ZCCHC24: variants seen among roughly 807,000 people sequenced by gnomAD.
ZCCHC24 encodes the protein zinc finger CCHC domain-containing protein 24.
Under a neutral mutation model 26.2 loss-of-function variants are expected in ZCCHC24, and 10 were observed. That is an observed-to-expected ratio of 0.38 (90% CI 0.24 to 0.65). ZCCHC24 has a LOEUF of 0.65. ZCCHC24 is among the 30% of genes least tolerant of loss of function. The probability of loss-of-function intolerance (pLI) is 0.54; values close to 1 mark genes in which losing one functional copy is unlikely to be tolerated. For synonymous variants in ZCCHC24, 144 were observed against 147.1 expected (o/e 0.98, Z 0.15); for missense variants, 243 against 329.1 (o/e 0.74, Z 2.03).
rs1183648633 is a variant in ZCCHC24, at chr10:79,383,832, T to G, written c.*2513A>C. The G allele has an allele frequency of 6.6e-6, 1 of 152,644 alleles. No homozygotes were observed. Among genetic ancestry groups the G allele is most frequent in the African/African-American group, 2.4e-5 (1 of 41,408 alleles). The allele number at this position is 152,644 out of a possible 1,614,324, so 9.5% of individuals were successfully genotyped here. A position where few individuals can be genotyped will look rare whatever the true frequency, so the allele number is the denominator to read the frequency against. On this transcript the variant is annotated 3_prime_UTR_variant, in exon 4 of 4. Transcript: ENST00000372336. ...ATTCTGTGTCAAGTATAACTCAAAA[T>G]AAATACAAATTCACAAGTAGAACTA...
chr10:79,445,284 G>C lies in ZCCHC24; in HGVS notation c.157C>G (p.Leu53Val), dbSNP rs1857350027. 4.7e-6 allele frequency: 7 copies of C among 1,481,106 alleles called. No individual in the cohort carries two copies. Among genetic ancestry groups the C allele is most frequent in the Non-Finnish European group, 4.5e-6 (5 of 1,114,098 alleles). 91.7% of individuals were successfully genotyped at this position (1,481,106 alleles called of 1,614,324 possible). Reference protein sequence around the residue: ...EPTAGAAPPELAFGKGRPEQL... With the variant: ...EPTAGAAPPEVAFGKGRPEQL... ...TCGGGGCGGCCCTTGCCGAAGGCCA[G>C]CTCCGGGGGTGCGGCGCCGGCGGTC... Residue 53 changes from leucine (L) to valine (V), a missense_variant, in exon 1 of 4, where the codon CTG becomes GTG. Transcript: ENST00000372336.
chr10:79,445,229 T>C lies in ZCCHC24; in HGVS notation c.212A>G (p.Tyr71Cys). 1 of 1,345,696 alleles carries C rather than the reference T, an allele frequency of 7.4e-7. No individual in the cohort carries two copies. Among genetic ancestry groups the C allele is most frequent in the Non-Finnish European group, 9.6e-7 (1 of 1,042,070 alleles). The allele number at this position is 1,345,696 out of a possible 1,614,324, so 83.4% of individuals were successfully genotyped here. A position where few individuals can be genotyped will look rare whatever the true frequency, so the allele number is the denominator to read the frequency against. ...CTGCAGCTGGAAGAAGCTGTTGAGA[T>C]AGCTGGAGTGCAGGGGCGAGCCCAG... Reference protein sequence around the residue: ...EQLGSPLHSSYLNSFFQLQRG... With the variant: ...EQLGSPLHSSCLNSFFQLQRG... The change falls in exon 1 of 4, where the codon TAT becomes TGT. Residue 71 changes from tyrosine to cysteine, a missense_variant. By Grantham distance (194) the Tyr-to-Cys change is radical. Coordinates refer to ENST00000372336, the MANE Select transcript of ZCCHC24 (RefSeq NM_153367.4).
intron 2 of ZCCHC24, among the ~76,000 whole-genome samples, chr10:79,424,033 A>C (rs1399223766): frequency 6.6e-6 from 1 of 151,648 alleles, no homozygotes; most frequent in African/African-American, 2.4e-5. Context: ...AAAAAAAAAA[A>C]AAGAAAAGAA....
At chr10:79,402,362 A>T (rs1484387773) in intron 2 of ZCCHC24, among the ~76,000 whole-genome samples, 2 of 150,794 alleles carry the variant, frequency 1.3e-5, no homozygotes, top group African/African-American at 4.9e-5. Context: ...TGCAAGCTCC[A>T]CCTCCCAGTT....
intron 1 of ZCCHC24, among the ~76,000 whole-genome samples, chr10:79,436,471 AGCGT>A (rs1857218648): frequency 6.6e-6 from 1 of 152,156 alleles, no homozygotes; most frequent in Non-Finnish European, 1.5e-5. Flanking sequence ...CTCCCACCCC[AGCGT>A]AGCCCAGTCA....
chr10:79,402,017 C>G (rs1046650150), intron 2 of ZCCHC24, among the ~76,000 whole-genome samples: 1 of 152,222 alleles, frequency 6.6e-6, no homozygotes, highest in African/African-American at 2.4e-5. Flanking sequence ...ACAGAGGCCA[C>G]AGGGGTGGGG....
intron 2 of ZCCHC24, among the ~76,000 whole-genome samples, chr10:79,418,601 C>T (rs1285654953): frequency 6.6e-6 from 1 of 152,204 alleles, no homozygotes; most frequent in African/African-American, 2.4e-5. Context: ...GAGAGAGTCA[C>T]TGGCTAAGGC....
At chr10:79,432,807 T>A (rs1400683092) in intron 1 of ZCCHC24, 49 bp from the exon 2 acceptor site, 1 of 1,578,584 alleles carries the variant, frequency 6.3e-7, no homozygotes, top group East Asian at 2.3e-5. Context: ...TTGGGAGAAG[T>A]TCCATAACCC....
chr10:79,424,931 A>G (rs1230454435), intron 2 of ZCCHC24, among the ~76,000 whole-genome samples: 1 of 152,100 alleles, frequency 6.6e-6, no homozygotes, highest in Non-Finnish European at 1.5e-5. Context: ...ACCTCACCAC[A>G]GCCCTGGTCC....
chr10:79,420,336 C>T (rs953190552), intron 2 of ZCCHC24, among the ~76,000 whole-genome samples: 5 of 152,152 alleles, frequency 3.3e-5, no homozygotes, highest in Non-Finnish European at 7.3e-5. Flanking sequence ...CTCTCTGCAG[C>T]CCCTCCCAGA....
chr10:79,386,419 G>C lies in ZCCHC24; in HGVS notation c.652C>G (p.Gln218Glu). 1.9e-6 allele frequency: 3 copies of C among 1,608,734 alleles called. No individual in the cohort carries two copies. Among genetic ancestry groups the C allele is most frequent in the Non-Finnish European group, 2.6e-6 (3 of 1,175,882 alleles). Residue 218 changes from glutamine (Q) to glutamate (E), a missense_variant, in exon 4 of 4, where the codon CAG becomes GAG. By Grantham distance (29) the Gln-to-Glu change is conservative (BLOSUM62 2). Around this residue, in one of 2 missense-constraint regions of ZCCHC24, gnomAD observed 96 missense variants for 178.3 expected, o/e 0.54. Transcript: ENST00000372336. The stretch of plus-strand genomic sequence containing the variant: ...AGGTGCTGCGGGTGCTCCTTGCTCT[G>C]GTCGGACACGTCCAGGCCGTCGGGC... ...EKPDGLDVSD[Q>E]SKEHPQHLCE...
At chr10:79,411,042 G>C (rs998501454) in intron 2 of ZCCHC24, among the ~76,000 whole-genome samples, 1 of 152,140 alleles carries the variant, frequency 6.6e-6, no homozygotes, top group African/African-American at 2.4e-5. Context: ...AGGTGATGAC[G>C]GTGTCTTGTG....
chr10:79,417,841 A>C (rs549939271), intron 2 of ZCCHC24, among the ~76,000 whole-genome samples: 1 of 152,196 alleles, frequency 6.6e-6, no homozygotes, highest in Non-Finnish European at 1.5e-5. Flanking sequence ...TGAGCCTTGG[A>C]ATGGGAGGGA....
intron 2 of ZCCHC24, among the ~76,000 whole-genome samples, chr10:79,401,431 G>A (rs1856630902): frequency 2.0e-5 from 3 of 152,240 alleles, no homozygotes. Flanking sequence ...GCATGTAGAG[G>A]TTACATGGCT....
chr10:79,394,420 G>T lies in ZCCHC24; in HGVS notation c.468C>A (p.Gly156=). 6.2e-7 allele frequency: 1 copy of T among 1,614,178 alleles called. No individual in the cohort carries two copies. Residue 156 remains glycine, a synonymous_variant, in exon 3 of 4, where the codon GGC becomes GGA. Transcript: ENST00000372336. Reference sequence around the variant, plus strand: ...GCTTTTTGCCCTGGTATGGAGTCAGGCCCTCGCCTTTGGGGCGTGCCTACA... The same window carrying T: ...GCTTTTTGCCCTGGTATGGAGTCAGTCCCTCGCCTTTGGGGCGTGCCTACA... ...DCPQARPKGE[G]LTPYQGKKRC...
chr10:79,388,923 G>C (rs1856435175), intron 3 of ZCCHC24, among the ~76,000 whole-genome samples: 7 of 152,196 alleles, frequency 4.6e-5, no homozygotes, highest in Admixed American at 2.6e-4. Context: ...GTGGTAGGTA[G>C]GGTGGCTGGA....
chr10:79,393,624 C>A (rs543292149), intron 3 of ZCCHC24, among the ~76,000 whole-genome samples: 1 of 152,368 alleles, frequency 6.6e-6, no homozygotes, highest in South Asian at 2.1e-4. Flanking sequence ...GCTCTTGGGT[C>A]CCTCGAGTGC....
chr10:79,395,778 G>T (rs1282463610), intron 2 of ZCCHC24, among the ~76,000 whole-genome samples: 1 of 152,004 alleles, frequency 6.6e-6, no homozygotes, highest in East Asian at 1.9e-4. Flanking sequence ...ATTTGTAACT[G>T]CATTTTATAT....
intron 2 of ZCCHC24, among the ~76,000 whole-genome samples, chr10:79,415,825 T>A (rs927358886): frequency 2.6e-5 from 4 of 152,192 alleles, no homozygotes; most frequent in Non-Finnish European, 4.4e-5. Flanking sequence ...GCCACAGCAT[T>A]TTCTCCAACG....
Sources: gnomAD v4.1 joint callset for allele counts (sites outside exome capture counted in the v4.1 genomes callset) on GRCh38, gnomAD v4.1.1 for gene constraint, gnomAD v4.1.1 regional missense constraint, MANE v1.5 for transcripts, NCBI Gene and HGNC (gene_info 2026-07-23, HGNC 2026-07-21) for gene names.